The following EDAR variants were observed in gnomAD, a reference collection of about 807,000 sequenced individuals.
The protein encoded by EDAR is ectodysplasin A receptor.
A neutral mutation model predicts 51.3 loss-of-function variants in EDAR; 38 were observed. That is an observed-to-expected ratio of 0.74 (90% CI 0.57 to 0.97). The LOEUF is 0.97. EDAR is among the 50% of genes least tolerant of loss of function. The pLI is 0.00. For synonymous variants in EDAR, 227 were observed against 242.1 expected (o/e 0.94, Z 0.58); for missense variants, 528 against 595.0 (o/e 0.89, Z 1.17).
intron 3 of EDAR, among the ~76,000 whole-genome samples, 155 bp from the exon 4 acceptor site, chr2:108,929,534 C>A (rs967647384): frequency 6.6e-6 from 1 of 152,184 alleles, no homozygotes; most frequent in East Asian, 1.9e-4. Context: ...GCAAAACCCC[C>A]CAGGAACCAG....
At chr2:108,949,728 G>A (rs1188109442) in intron 1 of EDAR, among the ~76,000 whole-genome samples, 1 of 152,168 alleles carries the variant, frequency 6.6e-6, no homozygotes, top group Non-Finnish European at 1.5e-5. Flanking sequence ...TGTGCCATAT[G>A]GAACATGCAT....
At chr2:108,980,024 T>C (rs1356191968) in intron 1 of EDAR, among the ~76,000 whole-genome samples, 6 of 150,350 alleles carry the variant, frequency 4.0e-5, no homozygotes, top group African/African-American at 9.8e-5. Flanking sequence ...CCTCTCAAGC[T>C]TGCTGTATCA....
intron 8 of EDAR, 98 bp downstream of exon 8, chr2:108,910,678 T>C (rs1696909524): frequency 6.9e-7 from 1 of 1,455,454 alleles, no homozygotes; most frequent in Admixed American, 1.7e-5. Context: ...TGGTTCAGCA[T>C]GTGAGAGCAG....
At chr2:108,964,521 C>G (rs538529514) in intron 1 of EDAR, among the ~76,000 whole-genome samples, 1 of 152,194 alleles carries the variant, frequency 6.6e-6, no homozygotes, top group Admixed American at 6.5e-5. Flanking sequence ...GGAAAAAAAC[C>G]CCAACAAACT....
At chr2:108,963,747 C>T (rs1342385026) in intron 1 of EDAR, among the ~76,000 whole-genome samples, 3 of 152,212 alleles carry the variant, frequency 2.0e-5, no homozygotes, top group Admixed American at 6.5e-5. Context: ...ATGGGTATCA[C>T]AGGACTGCCT....
At chr2:108,960,213 A>G (rs903999301) in intron 1 of EDAR, among the ~76,000 whole-genome samples, 3 of 152,164 alleles carry the variant, frequency 2.0e-5, no homozygotes, top group Admixed American at 6.5e-5. Flanking sequence ...CCGGGGCTGC[A>G]GTTTCTCTAT....
At chr2:108,981,643 A>G (rs890303616) in intron 1 of EDAR, among the ~76,000 whole-genome samples, 6 of 152,118 alleles carry the variant, frequency 3.9e-5, no homozygotes, top group African/African-American at 1.4e-4. Flanking sequence ...CTCGATATAT[A>G]CTATCCCCAC....
chr2:108,915,447 A>G (rs1344118989), intron 5 of EDAR, among the ~76,000 whole-genome samples: 2 of 152,242 alleles, frequency 1.3e-5, no homozygotes, highest in Non-Finnish European at 2.9e-5. Context: ...GTCATAGGGT[A>G]TGTAAGAAAC....
rs1230945593 is a variant in EDAR at position 108,953,065 on chromosome 2, C to T, written c.-18-22033G>A. Among the ~76,000 whole-genome samples the T allele has an allele frequency of 2.6e-5, 4 of 152,296 alleles. No individual in the cohort carries two copies. In the East Asian group the frequency reaches 7.7e-4, roughly 29 times the overall value. ...CATGAGATATTTTGATATAGGCATG[C>T]AATGCGTAATAACCACATCATGAAA... On this transcript the variant is annotated intron_variant, in intron 1 of 11. Transcript: ENST00000258443.
In EDAR at chr2:108,897,079, G is replaced by A. The variant is rs899642068; in HGVS notation, c.1175C>T (p.Thr392Ile). ...GCGGTCAAAGAGTTGCATGCCGTCT[G>A]TCATGCCCCCAATCTCATCCCTCTT... ...GLKRDEIGGMTDGMQLFDRIS... is the reference protein window; with the variant it reads ...GLKRDEIGGMIDGMQLFDRIS... Residue 392 changes from threonine (T) to isoleucine (I), a missense_variant, in exon 12 of 12, where the codon ACA becomes ATA. Coordinates refer to ENST00000258443, the MANE Select transcript of EDAR (RefSeq NM_022336.4). 1.2e-6 allele frequency: 2 copies of A among 1,614,074 alleles called. No homozygotes were observed. The highest frequency in any genetic ancestry group is 1.7e-6 in the Non-Finnish European group (2 of 1,180,056).
intron 1 of EDAR, among the ~76,000 whole-genome samples, chr2:108,981,317 C>G (rs1037595702): frequency 4.6e-5 from 7 of 152,206 alleles, no homozygotes; most frequent in Non-Finnish European, 1.5e-5. Context: ...GGTGGCTAGC[C>G]CATGCCAGTC....
At chr2:108,966,239 T>C (rs547665033) in intron 1 of EDAR, among the ~76,000 whole-genome samples, 1 of 152,364 alleles carries the variant, frequency 6.6e-6, no homozygotes, top group African/African-American at 2.4e-5. Context: ...TTGCATGTTG[T>C]TGCCTACTCA....
intron 5 of EDAR, among the ~76,000 whole-genome samples, chr2:108,921,608 C>T (rs1697142963): frequency 6.6e-6 from 1 of 152,192 alleles, no homozygotes; most frequent in Non-Finnish European, 1.5e-5. Flanking sequence ...GTGTGTGGGT[C>T]TTAGTGACTC....
rs376660817 is a variant in EDAR, at chr2:108,930,103, G to A, written c.174+17C>T. The A allele has an allele frequency of 6.2e-7, 1 of 1,610,380 alleles. No individual in the cohort carries two copies. The highest frequency in any genetic ancestry group is 1.3e-5 in the African/African-American group (1 of 74,862). ...CCCCTGAGAGCGCACCAGGCTCCAG[G>A]AGGGCTGGGTCCTTACCAGGTAGGG... On this transcript the variant is annotated intron_variant, in intron 3 of 11. Coordinates refer to ENST00000258443, the MANE Select transcript of EDAR (RefSeq NM_022336.4).
In EDAR at chr2:108,905,997, G is replaced by A. The variant is rs531162346; in HGVS notation, c.1024+311C>T. Among the ~76,000 whole-genome samples, 7 of 146,102 alleles carry A rather than the reference G, an allele frequency of 4.8e-5. No individual in the cohort carries two copies. In the South Asian group the frequency reaches 1.0e-3, roughly 22 times the overall value. ...GTGTGGACACGGTCTCTGGGGACACGGGAGGTCTGAGGCTCCGTGGCTGCT... is the reference window on the plus strand; with the variant it reads ...GTGTGGACACGGTCTCTGGGGACACAGGAGGTCTGAGGCTCCGTGGCTGCT... On this transcript the variant is annotated intron_variant, in intron 11 of 11. Coordinates refer to ENST00000258443, the MANE Select transcript of EDAR (RefSeq NM_022336.4).
At chr2:108,925,241 A>G (rs1697230411) in intron 4 of EDAR, among the ~76,000 whole-genome samples, 1 of 152,210 alleles carries the variant, frequency 6.6e-6, no homozygotes. Flanking sequence ...TTGTCTGTAA[A>G]CATTGGCTGA....
chr2:108,906,993 C>T (rs772511316), intron 10 of EDAR, among the ~76,000 whole-genome samples: 11 of 152,218 alleles, frequency 7.2e-5, no homozygotes, highest in African/African-American at 1.7e-4. Context: ...AGCTGTCCTG[C>T]GGCTGGGGCC....
At chr2:108,972,442 T>C (rs1240573331) in intron 1 of EDAR, among the ~76,000 whole-genome samples, 1 of 152,244 alleles carries the variant, frequency 6.6e-6, no homozygotes, top group African/African-American at 2.4e-5. Flanking sequence ...CTGGCTTTCA[T>C]GCCAACGTGC....
intron 11 of EDAR, among the ~76,000 whole-genome samples, chr2:108,902,536 T>C (rs1453828870): frequency 6.6e-6 from 1 of 152,176 alleles, no homozygotes; most frequent in African/African-American, 2.4e-5. Flanking sequence ...ACTTATTCTA[T>C]GAGGGTAGTA....
Sources: gnomAD v4.1 joint callset for allele counts (sites outside exome capture counted in the v4.1 genomes callset) on GRCh38, gnomAD v4.1.1 for gene constraint, MANE v1.5 for transcripts, NCBI Gene and HGNC (gene_info 2026-07-23, HGNC 2026-07-21) for gene names.